Variants in ARID4B observed in about 807,000 individuals in gnomAD.
ARID4B encodes the protein AT-rich interaction domain 4B.
A neutral mutation model predicts 147.5 loss-of-function variants in ARID4B; 26 were observed. That is an observed-to-expected ratio of 0.18 (90% CI 0.13 to 0.24). The LOEUF is 0.24. ARID4B is among the 10% of genes least tolerant of loss of function. The probability of loss-of-function intolerance (pLI) is 1.00; values close to 1 mark genes in which losing one functional copy is unlikely to be tolerated. For missense variants in ARID4B, 1,179 were observed against 1,511.5 expected, an observed-to-expected ratio of 0.78 and a Z score of 3.65; for synonymous variants, 512 against 507.9, an observed-to-expected ratio of 1.01 and a Z score of -0.11.
At chr1:235,170,127 T>C (rs1663237198) in intron 23 of ARID4B, among the ~76,000 whole-genome samples, 1 of 152,180 alleles carries the variant, frequency 6.6e-6, no homozygotes, top group Non-Finnish European at 1.5e-5. Context: ...AGTTGATTCA[T>C]ATTCATTACA....
intron 17 of ARID4B, among the ~76,000 whole-genome samples, chr1:235,206,266 T>C (rs542906398): frequency 6.6e-6 from 1 of 152,194 alleles, no homozygotes; most frequent in African/African-American, 2.4e-5. Context: ...TAATAATACA[T>C]AACGTAGTCC....
chr1:235,168,705 A>G, intron 23 of ARID4B, 53 bp from the exon 24 acceptor site: 1 of 1,566,378 alleles, frequency 6.4e-7, no homozygotes, highest in East Asian at 2.3e-5. Flanking sequence ...ATGTCTAACA[A>G]TAGACAGAAA....
At chr1:235,258,336 GCAAAA>G (rs1353302077) in intron 3 of ARID4B, among the ~76,000 whole-genome samples, 1 of 152,008 alleles carries the variant, frequency 6.6e-6, no homozygotes, top group African/African-American at 2.4e-5. Context: ...CGTCTCAAAA[GCAAAA>G]CAAAACAAAA....
chr1:235,198,262 C>G (rs527497559), intron 17 of ARID4B, among the ~76,000 whole-genome samples: 3 of 152,292 alleles, frequency 2.0e-5, no homozygotes, highest in African/African-American at 7.2e-5. Context: ...CAATAAAAAA[C>G]TGACTCAATT....
chr1:235,227,419 A>C (rs543257638), intron 11 of ARID4B, among the ~76,000 whole-genome samples: 1 of 152,316 alleles, frequency 6.6e-6, no homozygotes, highest in Non-Finnish European at 1.5e-5. Context: ...TACATTATAC[A>C]TTGTCATTAC....
chr1:235,296,006 T>G (rs1672678420), intron 2 of ARID4B: 1 of 155,806 alleles, frequency 6.4e-6, no homozygotes, highest in African/African-American at 2.4e-5. Flanking sequence ...GTCACCCACC[T>G]AAGGACAGCC....
chr1:235,274,606 T>C (rs1671199546), intron 2 of ARID4B, among the ~76,000 whole-genome samples: 1 of 152,142 alleles, frequency 6.6e-6, no homozygotes, highest in Non-Finnish European at 1.5e-5. Context: ...ATAAAAATAA[T>C]CAATTAAAAA....
intron 17 of ARID4B, among the ~76,000 whole-genome samples, chr1:235,196,853 C>CAA (rs34581094): frequency 0.11 from 9,748 of 88,392 alleles, 656 homozygotes; most frequent in Non-Finnish European, 0.12. Context: ...CTCTGTTTCA[C>CAA]AAAAAAAAAA....
At chr1:235,169,663 T>G (rs1285268669) in intron 23 of ARID4B, among the ~76,000 whole-genome samples, 1 of 151,730 alleles carries the variant, frequency 6.6e-6, no homozygotes, top group Non-Finnish European at 1.5e-5. Flanking sequence ...AGCCTCCTTT[T>G]TTTTTTTTTT....
intron 8 of ARID4B, among the ~76,000 whole-genome samples, chr1:235,235,573 G>A (rs1668499061): frequency 6.6e-6 from 1 of 152,170 alleles, no homozygotes; most frequent in African/African-American, 2.4e-5. Flanking sequence ...ACCCATGTAT[G>A]TTATTTTCTT....
chr1:235,204,606 T>A (rs1242988965), intron 17 of ARID4B, among the ~76,000 whole-genome samples: 2 of 152,216 alleles, frequency 1.3e-5, no homozygotes, highest in Non-Finnish European at 2.9e-5. Flanking sequence ...AGAGGTAATA[T>A]GTAATAATAA....
chr1:235,197,445 A>C (rs1369276555), intron 17 of ARID4B, among the ~76,000 whole-genome samples: 1 of 152,232 alleles, frequency 6.6e-6, no homozygotes, highest in Non-Finnish European at 1.5e-5. Flanking sequence ...ACTCCTGGGC[A>C]GTTACTCTGC....
intron 11 of ARID4B, chr1:235,228,225 T>C (rs1056369920): frequency 1.3e-5 from 2 of 151,324 alleles, no homozygotes; most frequent in Non-Finnish European, 2.9e-5. Context: ...AAGCATTTCA[T>C]GAGGTGACAG....
intron 21 of ARID4B, among the ~76,000 whole-genome samples, chr1:235,175,897 A>G (rs1663835378): frequency 6.6e-6 from 1 of 152,208 alleles, no homozygotes; most frequent in Non-Finnish European, 1.5e-5. Flanking sequence ...TTACTCTTAA[A>G]TAACTCCTAT....
At chr1:235,257,370 C>T in intron 3 of ARID4B, 145 bp from the exon 4 acceptor site, 1 of 558,244 alleles carries the variant, frequency 1.8e-6, no homozygotes, top group Non-Finnish European at 3.1e-6. Flanking sequence ...AGTAGATTAA[C>T]TAAAAAATTA....
intron 2 of ARID4B, among the ~76,000 whole-genome samples, chr1:235,313,325 T>G (rs2103283666): frequency 1.4e-5 from 2 of 145,508 alleles, no homozygotes. Context: ...CCACCGTGCA[T>G]GCCTAAGTTG....
At chr1:235,194,801 A>G (rs1185313161) in intron 18 of ARID4B, among the ~76,000 whole-genome samples, 1 of 152,154 alleles carries the variant, frequency 6.6e-6, no homozygotes, top group Non-Finnish European at 1.5e-5. Flanking sequence ...CCTGGGCAAC[A>G]AGAGTGAAAC....
At chr1:235,231,333 G>C (rs950338895) in intron 9 of ARID4B, 144 bp from the exon 10 acceptor site, 6 of 532,850 alleles carry the variant, frequency 1.1e-5, no homozygotes, top group Non-Finnish European at 2.0e-5. Flanking sequence ...ATTGCACACA[G>C]AGTAGCAAGT....
At chr1:235,261,475 G>T (rs1358723521) in intron 2 of ARID4B, among the ~76,000 whole-genome samples, 2 of 152,202 alleles carry the variant, frequency 1.3e-5, no homozygotes, top group Non-Finnish European at 2.9e-5. Flanking sequence ...AGTGAAAAGT[G>T]ATCGTGCCAC....
Sources: gnomAD v4.1 joint callset for allele counts (sites outside exome capture counted in the v4.1 genomes callset) on GRCh38, gnomAD v4.1.1 for gene constraint, MANE v1.5 for transcripts, NCBI Gene and HGNC (gene_info 2026-07-23, HGNC 2026-07-21) for gene names.